The following GNPDA2 variants were observed in gnomAD, a reference collection of about 807,000 sequenced individuals.
GNPDA2 encodes glucosamine-6-phosphate deaminase 2.
Under a neutral mutation model 27.0 loss-of-function variants are expected in GNPDA2, and 24 were observed. The ratio of observed to expected loss-of-function variants is 0.89; its 90% CI spans 0.64 to 1.25. The LOEUF (loss-of-function observed/expected upper bound fraction) is 1.25. Ranked by LOEUF, GNPDA2 falls within the 50% of genes most tolerant of loss-of-function variation. The probability of loss-of-function intolerance (pLI) is 0.00; values close to 1 mark genes in which losing one functional copy is unlikely to be tolerated. For missense variants in GNPDA2, 286 were observed against 335.1 expected (o/e 0.85, Z 1.14); for synonymous variants, 94 against 108.4 (o/e 0.87, Z 0.83).
chr4:44,707,688 C>A, intron 6 of GNPDA2, 64 bp downstream of exon 6: 1 of 1,400,378 alleles, frequency 7.1e-7, no homozygotes, highest in Non-Finnish European at 1.0e-6. Flanking sequence ...CCCACAGTCA[C>A]AGTAAGTTTT....
chr4:44,714,353 T>C (rs1214209441), intron 4 of GNPDA2: 2 of 985,232 alleles, frequency 2.0e-6, no homozygotes, highest in East Asian at 2.3e-4. Context: ...ATACACCTTT[T>C]ACCCTTTCTC....
intron 3 of GNPDA2, among the ~76,000 whole-genome samples, chr4:44,717,620 C>G (rs989468382): frequency 1.3e-4 from 20 of 151,920 alleles, no homozygotes; most frequent in Admixed American, 1.1e-3. Flanking sequence ...CACTTAGTAA[C>G]TATACTCTTC....
At position 44,717,262 on chromosome 4, in the gene GNPDA2, G is replaced by A. The variant is rs1168541407; in HGVS notation, c.260C>T (p.Ser87Phe). The change falls in exon 4 of 7, where the codon TCT becomes TTT. Residue 87 changes from serine (S) to phenylalanine (F), a missense_variant. Physicochemically the swap from Ser to Phe is radical, Grantham distance 155. Coordinates refer to ENST00000295448, the MANE Select transcript of GNPDA2 (RefSeq NM_138335.3). Reference sequence around the variant, plus strand: ...CTTAAAAAAATTATTCCACATATAAGAATGGTAGCTTTCAGGATGATTTCT... The same window carrying A: ...CTTAAAAAAATTATTCCACATATAAAAATGGTAGCTTTCAGGATGATTTCT... The part of the protein sequence containing the change: ...LPRNHPESYH[S>F]YMWNNFFKHI... The A allele has an allele frequency of 2.0e-6, 3 of 1,530,608 alleles. No individual in the cohort carries two copies. The highest frequency in any genetic ancestry group is 2.5e-5 in the South Asian group (2 of 79,198). 94.8% of individuals were successfully genotyped at this position (1,530,608 alleles called of 1,614,324 possible). A position where few individuals can be genotyped will look rare whatever the true frequency, so the allele number is the denominator to read the frequency against.
rs903974905 is a variant in GNPDA2 at position 44,714,220 on chromosome 4, G to A, written c.409+2893C>T. On this transcript the variant is annotated intron_variant, in intron 4 of 6. Transcript: ENST00000295448. ...GAACTCCCAACCTCAGGTGATCTGCGCACCTCAGCCTCCCAAAGTGCTGGG... is the reference window on the plus strand; with the variant it reads ...GAACTCCCAACCTCAGGTGATCTGCACACCTCAGCCTCCCAAAGTGCTGGG... The A allele has an allele frequency of 2.1e-4, 160 of 751,612 alleles. 1 individual carries two copies. Among genetic ancestry groups the A allele is most frequent in the Middle Eastern group, 6.7e-4 (1 of 1,488 alleles). The allele number at this position is 751,612 out of a possible 1,614,324, so 46.6% of individuals were successfully genotyped here.
At chr4:44,703,315 T>A (rs981897264) in intron 6 of GNPDA2, 173 bp from the exon 7 acceptor site, 22 of 1,386,482 alleles carry the variant, frequency 1.6e-5, no homozygotes, top group Non-Finnish European at 2.0e-5. Context: ...TGTCTTAAGT[T>A]TTATCTACCT....
chr4:44,702,760 A>C lies in GNPDA2; in HGVS notation c.*321T>G. ...ATATACGCCACTGGAGTCATATCAC[A>C]AATGGTGCCTGATGTGGACACTCTA... On this transcript the variant is annotated 3_prime_UTR_variant, in exon 7 of 7. Coordinates refer to ENST00000295448, the MANE Select transcript of GNPDA2 (RefSeq NM_138335.3). 1 of 1,134,006 alleles carries C rather than the reference A, an allele frequency of 8.8e-7. No homozygotes were observed. The highest frequency in any genetic ancestry group is 1.1e-6 in the Non-Finnish European group (1 of 929,536). The allele number at this position is 1,134,006 out of a possible 1,614,324, so 70.2% of individuals were successfully genotyped here.
intron 5 of GNPDA2, 102 bp downstream of exon 5, chr4:44,710,851 A>C (rs1297245004): frequency 3.1e-6 from 3 of 978,364 alleles, no homozygotes; most frequent in Non-Finnish European, 4.4e-6. Context: ...TATACTGCAA[A>C]TAGAATGCAA....
At chr4:44,707,653 A>C in intron 6 of GNPDA2, 99 bp downstream of exon 6, 1 of 1,011,264 alleles carries the variant, frequency 9.9e-7, no homozygotes, top group Non-Finnish European at 1.4e-6. Context: ...GCCACTTTTC[A>C]ATAGGTCACA....
intron 6 of GNPDA2, chr4:44,703,428 C>G (rs1256486014): frequency 1.4e-5 from 16 of 1,142,376 alleles, no homozygotes; most frequent in Non-Finnish European, 1.7e-5. Context: ...AGAGATTAAG[C>G]ATGACAAATT....
At chr4:44,722,313 A>G (rs1213368501) in intron 1 of GNPDA2, 71 bp from the exon 2 acceptor site, 34 of 1,172,908 alleles carry the variant, frequency 2.9e-5, no homozygotes, top group Non-Finnish European at 3.9e-5. Context: ...TTTTTAAAAG[A>G]TGTAAATAAT....
chr4:44,722,916 C>T (rs1717770512), intron 1 of GNPDA2, among the ~76,000 whole-genome samples: 1 of 152,074 alleles, frequency 6.6e-6, no homozygotes. Context: ...TAGTAAGCAA[C>T]AAGGTCAGAA....
At chr4:44,720,962 A>T (rs1717625514) in intron 2 of GNPDA2, among the ~76,000 whole-genome samples, 1 of 152,146 alleles carries the variant, frequency 6.6e-6, no homozygotes, top group African/African-American at 2.4e-5. Flanking sequence ...AATGAAGGGT[A>T]ACAGTATAGA....
At chr4:44,724,136 T>G (rs1476868058) in intron 1 of GNPDA2, among the ~76,000 whole-genome samples, 1 of 152,154 alleles carries the variant, frequency 6.6e-6, no homozygotes, top group African/African-American at 2.4e-5. Context: ...TTGCGTTAAT[T>G]GGTTAACTGG....
chr4:44,714,428 C>G (rs1261592827), intron 4 of GNPDA2: 1 of 985,198 alleles, frequency 1.0e-6, no homozygotes, highest in Non-Finnish European at 1.2e-6. Context: ...CTTTTTCTTT[C>G]CCTCTTCCCT....
At chr4:44,717,610 C>CACT (rs375268325) in intron 3 of GNPDA2, among the ~76,000 whole-genome samples, 93 of 151,896 alleles carry the variant, frequency 6.1e-4, no homozygotes, top group African/African-American at 2.0e-3. Flanking sequence ...AGCTCATGTG[C>CACT]ACTTAGTAAC....
chr4:44,717,849 G>A (rs528745605), intron 3 of GNPDA2, among the ~76,000 whole-genome samples: 29 of 151,966 alleles, frequency 1.9e-4, no homozygotes, highest in African/African-American at 6.7e-4. Flanking sequence ...ATGCATCACA[G>A]ATTTCAGGTA....
chr4:44,716,099 T>A (rs1209099063), intron 4 of GNPDA2, among the ~76,000 whole-genome samples: 1 of 151,962 alleles, frequency 6.6e-6, no homozygotes, highest in African/African-American at 2.4e-5. Flanking sequence ...ACAAATGATG[T>A]ACCTATACTG....
Position 44,722,116 on chromosome 4 carries a change from T to C in GNPDA2, c.92A>G (p.Gln31Arg). ...CNRIIQFKPG[Q>R]DRYFTLGLPT... ...TAAACCCAGTGTAAAATATCTGTCCTGTCCAGGTTTGAACTGAATGATGCG... is the reference window on the plus strand; with the variant it reads ...TAAACCCAGTGTAAAATATCTGTCCCGTCCAGGTTTGAACTGAATGATGCG... The change falls in exon 2 of 7, where the codon CAG becomes CGG. Residue 31 changes from glutamine to arginine, a missense_variant. Transcript: ENST00000295448. The C allele has an allele frequency of 9.3e-6, 15 of 1,613,238 alleles. No individual in the cohort carries two copies. The highest frequency in any genetic ancestry group is 1.2e-5 in the Non-Finnish European group (14 of 1,179,412).
intron 6 of GNPDA2, chr4:44,706,137 T>C (rs1289723038): frequency 6.6e-6 from 1 of 151,858 alleles, no homozygotes; most frequent in East Asian, 1.9e-4. Context: ...GAATCTATTA[T>C]TTGGGATGAA....
Sources: gnomAD v4.1 joint callset for allele counts (sites outside exome capture counted in the v4.1 genomes callset) on GRCh38, gnomAD v4.1.1 for gene constraint, MANE v1.5 for transcripts, NCBI Gene and HGNC (gene_info 2026-07-23, HGNC 2026-07-21) for gene names.